JAKMIP2: variants seen among roughly 807,000 people sequenced by gnomAD.
JAKMIP2 encodes the protein janus kinase and microtubule interacting protein 2.
Under a neutral mutation model 115.0 loss-of-function variants are expected in JAKMIP2, and 25 were observed. That is an observed-to-expected ratio of 0.22 (90% CI 0.16 to 0.30). The LOEUF (loss-of-function observed/expected upper bound fraction) is 0.30, where lower values mean the gene tolerates loss of function less well. JAKMIP2 is among the 10% of genes least tolerant of loss of function. The pLI is 1.00. For missense variants in JAKMIP2, 642 were observed against 957.6 expected, an observed-to-expected ratio of 0.67 and a Z score of 4.35; for synonymous variants, 334 against 343.6, an observed-to-expected ratio of 0.97 and a Z score of 0.31.
At chr5:147,624,565 T>A (rs911448763) in intron 16 of JAKMIP2, among the ~76,000 whole-genome samples, 1 of 152,190 alleles carries the variant, frequency 6.6e-6, no homozygotes, top group Non-Finnish European at 1.5e-5. Context: ...CTAAATCACA[T>A]AAAAACTTAT....
chr5:147,677,419 A>T (rs1760028968), intron 1 of JAKMIP2, among the ~76,000 whole-genome samples: 1 of 152,208 alleles, frequency 6.6e-6, no homozygotes, highest in Non-Finnish European at 1.5e-5. Context: ...ATATTAAAAG[A>T]GCCCTTTATT....
At chr5:147,598,452 CTATCTAT>C (rs926750182) in intron 21 of JAKMIP2, among the ~76,000 whole-genome samples, 117 of 152,108 alleles carry the variant, frequency 7.7e-4, no homozygotes, top group African/African-American at 2.5e-3. Context: ...ATCTATCTAT[CTATCTAT>C]CATCTATCTA....
chr5:147,669,030 T>C (rs1715470627), intron 2 of JAKMIP2, among the ~76,000 whole-genome samples: 1 of 152,210 alleles, frequency 6.6e-6, no homozygotes, highest in Admixed American at 6.5e-5. Flanking sequence ...CCCAAAGGTT[T>C]CCACTTTTTA....
At chr5:147,743,913 T>G (rs1274644449) in intron 1 of JAKMIP2, among the ~76,000 whole-genome samples, 3 of 151,832 alleles carry the variant, frequency 2.0e-5, no homozygotes, top group Non-Finnish European at 4.4e-5. Flanking sequence ...CCAGTAACCC[T>G]CCCCTGCAGC....
At chr5:147,693,329 G>A (rs931433250) in intron 1 of JAKMIP2, among the ~76,000 whole-genome samples, 4 of 152,156 alleles carry the variant, frequency 2.6e-5, no homozygotes, top group Admixed American at 2.0e-4. Context: ...TACTGTTCAT[G>A]TAAATACATA....
chr5:147,627,484 G>C (rs920981855), intron 16 of JAKMIP2, among the ~76,000 whole-genome samples: 1 of 152,072 alleles, frequency 6.6e-6, no homozygotes, highest in African/African-American at 2.4e-5. Context: ...CAGAGGGTCT[G>C]TATGCCAAAT....
intron 1 of JAKMIP2, among the ~76,000 whole-genome samples, chr5:147,678,094 C>A (rs1439170664): frequency 1.3e-5 from 2 of 152,068 alleles, no homozygotes; most frequent in African/African-American, 2.4e-5. Context: ...AACCTTTGCC[C>A]CCCGGATTCA....
chr5:147,693,645 A>G (rs189183324), intron 1 of JAKMIP2, among the ~76,000 whole-genome samples: 1 of 149,988 alleles, frequency 6.7e-6, no homozygotes, highest in Admixed American at 6.8e-5. Context: ...GCACAAAATA[A>G]AATGTTACAA....
intron 1 of JAKMIP2, among the ~76,000 whole-genome samples, chr5:147,767,940 T>C (rs1406269811): frequency 6.6e-6 from 1 of 152,146 alleles, no homozygotes; most frequent in Non-Finnish European, 1.5e-5. Context: ...GTTTGTGTTG[T>C]TTTGTTTGCT....
At chr5:147,714,800 C>T (rs1311039444) in intron 1 of JAKMIP2, among the ~76,000 whole-genome samples, 1 of 151,948 alleles carries the variant, frequency 6.6e-6, no homozygotes, top group African/African-American at 2.4e-5. Context: ...AGGTAACTAC[C>T]CAAATTTGAA....
chr5:147,692,670 G>A (rs938233784), intron 1 of JAKMIP2, among the ~76,000 whole-genome samples: 1 of 152,152 alleles, frequency 6.6e-6, no homozygotes, highest in African/African-American at 2.4e-5. Context: ...AAATGAAAGA[G>A]AGTAAATGAA....
chr5:147,615,134 T>A (rs1250210008), intron 19 of JAKMIP2, among the ~76,000 whole-genome samples: 1 of 152,212 alleles, frequency 6.6e-6, no homozygotes, highest in African/African-American at 2.4e-5. Context: ...GATCTGTATG[T>A]CTTTGCTTAC....
At chr5:147,594,871 G>T (rs1312796052) in intron 21 of JAKMIP2, among the ~76,000 whole-genome samples, 1 of 152,080 alleles carries the variant, frequency 6.6e-6, no homozygotes, top group Admixed American at 6.6e-5. Flanking sequence ...TAAATAATTG[G>T]TCCATAAAAA....
At chr5:147,613,328 T>A (rs2037447636) in intron 19 of JAKMIP2, among the ~76,000 whole-genome samples, 1 of 152,120 alleles carries the variant, frequency 6.6e-6, no homozygotes, top group Admixed American at 6.6e-5. Context: ...GAGAAAACAC[T>A]AGAAGCCAAA....
chr5:147,601,934 C>G (rs967345796), intron 20 of JAKMIP2, 123 bp from the exon 21 acceptor site: 1 of 462,304 alleles, frequency 2.2e-6, no homozygotes, highest in Non-Finnish European at 3.9e-6. Context: ...ACATCAAGCA[C>G]CTTTTTGTTT....
chr5:147,701,893 T>C (rs952964414), intron 1 of JAKMIP2, among the ~76,000 whole-genome samples: 5 of 152,182 alleles, frequency 3.3e-5, no homozygotes, highest in African/African-American at 1.2e-4. Context: ...GGTATTTTCT[T>C]ATAGCAGCTA....
intron 1 of JAKMIP2, among the ~76,000 whole-genome samples, chr5:147,691,725 A>G (rs562565561): frequency 1.9e-4 from 29 of 152,308 alleles, no homozygotes; most frequent in African/African-American, 6.5e-4. Context: ...ACTCAAGGGC[A>G]CATGAGGGTG....
chr5:147,722,739 G>C (rs966488415), intron 1 of JAKMIP2, among the ~76,000 whole-genome samples: 1 of 152,108 alleles, frequency 6.6e-6, no homozygotes, highest in Non-Finnish European at 1.5e-5. Context: ...TTGGTGTTTT[G>C]TTCGATGAAA....
Position 147,662,639 on chromosome 5 carries a change from C to T in JAKMIP2, c.130-1194G>A, listed in dbSNP as rs182121255. On this transcript the variant is annotated intron_variant, in intron 2 of 21. Coordinates refer to ENST00000616793, the MANE Select transcript of JAKMIP2 (RefSeq NM_001270941.2). ...GTCTCTGTCTTCTCTCTCTGTCTCT[C>T]TCTGTGATACACACAACCCCCGCAT... Among the ~76,000 whole-genome samples, 287 of 152,086 alleles carry T rather than the reference C, an allele frequency of 1.9e-3. 3 individuals are homozygous for T. The highest frequency in any genetic ancestry group is 6.7e-3 in the African/African-American group (280 of 41,494).
Sources: gnomAD v4.1 joint callset for allele counts (sites outside exome capture counted in the v4.1 genomes callset) on GRCh38, gnomAD v4.1.1 for gene constraint, MANE v1.5 for transcripts, NCBI Gene and HGNC (gene_info 2026-07-23, HGNC 2026-07-21) for gene names.